The following CADM2 variants were observed in gnomAD, a reference collection of about 807,000 sequenced individuals.
The protein encoded by CADM2 is immunoglobulin superfamily member 4D.
CADM2 carries 12 observed loss-of-function variants against 49.8 expected under a neutral mutation model. The ratio of observed to expected loss-of-function variants is 0.24; its 90% confidence interval spans 0.15 to 0.39. The LOEUF (loss-of-function observed/expected upper bound fraction) is 0.39, where lower values mean the gene tolerates loss of function less well. Among genes scored for constraint, CADM2 ranks in the 10% least tolerant of loss-of-function variants. CADM2 has a pLI of 1.00. For missense variants in CADM2, 378 were observed against 492.3 expected (o/e 0.77, Z 2.20); for synonymous variants, 214 against 175.4 (o/e 1.22, Z -1.74).
chr3:85,568,397 CTCTTTCTTTCTTTCTTTCTTTCTT>C lies in CADM2; in HGVS notation c.62-158081_62-158058del, dbSNP rs71108298. 1.7e-4 allele frequency among the ~76,000 whole-genome samples: 9 copies of C among 52,092 alleles called. 1 individual carries two copies. In the South Asian group the frequency reaches 2.2e-3, roughly 12 times the overall value. 34.2% of individuals were successfully genotyped at this position (52,092 alleles called of 152,430 possible). A position where few individuals can be genotyped will look rare whatever the true frequency, so the allele number is the denominator to read the frequency against. Reference sequence around the variant, plus strand: ...GTTACCTACAATCTTTCCTTCCTCCCTCTTTCTTTCTTTCTTTCTTTCTTTCTTTCTTTCTTTCTTTCTTTCTTT... The same window carrying C: ...GTTACCTACAATCTTTCCTTCCTCCCTCTTTCTTTCTTTCTTTCTTTCTTT... On this transcript the variant is annotated intron_variant, in intron 1 of 9. Coordinates refer to ENST00000383699, the MANE Select transcript of CADM2 (RefSeq NM_001167675.2).
At chr3:85,704,490 T>G (rs1287605364) in intron 1 of CADM2, among the ~76,000 whole-genome samples, 2 of 152,156 alleles carry the variant, frequency 1.3e-5, no homozygotes, top group Non-Finnish European at 2.9e-5. Context: ...TGGTTATGGA[T>G]GACCACTTTT....
intron 3 of CADM2, among the ~76,000 whole-genome samples, chr3:85,860,657 A>G (rs984580350): frequency 6.6e-6 from 1 of 152,142 alleles, no homozygotes; most frequent in South Asian, 2.1e-4. Flanking sequence ...TTTAGGGTCT[A>G]TTAGGGCATG....
At chr3:85,582,746 G>A (rs1229859360) in intron 1 of CADM2, among the ~76,000 whole-genome samples, 9 of 152,080 alleles carry the variant, frequency 5.9e-5, no homozygotes, top group Admixed American at 2.0e-4. Flanking sequence ...ACTCTTGGCA[G>A]ACATAATTAG....
rs1360035680 is a variant in CADM2 at position 84,959,678 on chromosome 3, G to C, written c.61+10G>C. 4 of 1,536,706 alleles carry C rather than the reference G, an allele frequency of 2.6e-6. No homozygotes were observed. Among genetic ancestry groups the C allele is most frequent in the Non-Finnish European group, 3.5e-6 (4 of 1,146,586 alleles). ...GGGCTCCTGCTACAAGGTAATCCCC[G>C]CCCCGGCGCAGGGAACATCAACTTC... On this transcript the variant is annotated intron_variant, in intron 1 of 9. Transcript: ENST00000383699.
At chr3:85,010,921 T>G (rs1173053882) in intron 1 of CADM2, among the ~76,000 whole-genome samples, 1 of 129,020 alleles carries the variant, frequency 7.8e-6, no homozygotes, top group African/African-American at 3.0e-5. Context: ...TGGAGTGCAG[T>G]GGCGTGATCT....
At chr3:85,383,539 CAT>C (rs1559811990) in intron 1 of CADM2, among the ~76,000 whole-genome samples, 3 of 124,494 alleles carry the variant, frequency 2.4e-5, no homozygotes, top group Non-Finnish European at 3.5e-5. Flanking sequence ...TATATATATA[CAT>C]ATATATATAC....
chr3:85,138,375 G>A (rs961730824), intron 1 of CADM2, among the ~76,000 whole-genome samples: 1 of 152,064 alleles, frequency 6.6e-6, no homozygotes, highest in Non-Finnish European at 1.5e-5. Context: ...AGTCTCTTGA[G>A]GCTTTCTTCA....
At chr3:85,290,353 G>A (rs891678275) in intron 1 of CADM2, among the ~76,000 whole-genome samples, 3 of 152,186 alleles carry the variant, frequency 2.0e-5, no homozygotes, top group African/African-American at 7.2e-5. Context: ...GCCGCAGCAA[G>A]GCTGGGGGAG....
At chr3:85,265,589 C>A (rs900702900) in intron 1 of CADM2, among the ~76,000 whole-genome samples, 1 of 151,934 alleles carries the variant, frequency 6.6e-6, no homozygotes, top group African/African-American at 2.4e-5. Context: ...TGCATTAGGG[C>A]AGAGCCCTCA....
intron 1 of CADM2, among the ~76,000 whole-genome samples, chr3:85,680,953 C>A (rs1373993872): frequency 2.0e-5 from 3 of 152,042 alleles, no homozygotes; most frequent in African/African-American, 7.2e-5. Flanking sequence ...TGAAAAAGAA[C>A]CAAATATATG....
At chr3:85,135,126 G>C (rs1398055250) in intron 1 of CADM2, among the ~76,000 whole-genome samples, 3 of 151,944 alleles carry the variant, frequency 2.0e-5, no homozygotes, top group African/African-American at 7.2e-5. Context: ...GAAAATCAGA[G>C]ATTATAATAT....
intron 3 of CADM2, among the ~76,000 whole-genome samples, chr3:85,877,684 G>GTTTTTTTTTTTTTTTTTTTTTTTTTGTTT (rs368101272): frequency 8.9e-6 from 1 of 112,028 alleles, no homozygotes; most frequent in African/African-American, 3.3e-5. Flanking sequence ...TTTTTCTTCT[G>GTTTTTTTTTTTTTTTTTTTTTTTTTGTTT]TTTTTTTTTT....
chr3:85,101,983 GACT>G (rs2038029505), intron 1 of CADM2, among the ~76,000 whole-genome samples: 3 of 152,150 alleles, frequency 2.0e-5, no homozygotes, highest in African/African-American at 7.2e-5. Flanking sequence ...AGTAGTAGAA[GACT>G]GACAGGGGAA....
intron 1 of CADM2, among the ~76,000 whole-genome samples, chr3:85,486,720 T>G (rs2039432126): frequency 6.6e-6 from 1 of 152,118 alleles, no homozygotes; most frequent in Non-Finnish European, 1.5e-5. Context: ...GTGTATATTT[T>G]AAAGTTATTT....
At chr3:85,465,042 G>A (rs1433309696) in intron 1 of CADM2, among the ~76,000 whole-genome samples, 1 of 152,088 alleles carries the variant, frequency 6.6e-6, no homozygotes, top group African/African-American at 2.4e-5. Context: ...CCAGCAACTC[G>A]GGAGGCTGAG....
At chr3:85,615,208 G>C (rs1266452585) in intron 1 of CADM2, among the ~76,000 whole-genome samples, 5 of 148,070 alleles carry the variant, frequency 3.4e-5, no homozygotes, top group Non-Finnish European at 7.5e-5. Context: ...ACTACAGAAA[G>C]AGAGAGAGAG....
intron 1 of CADM2, among the ~76,000 whole-genome samples, chr3:85,659,150 A>T (rs908116925): frequency 3.3e-5 from 5 of 151,392 alleles, no homozygotes; most frequent in Non-Finnish European, 7.4e-5. Context: ...CGTGGAGGAT[A>T]TGGTTCTTTG....
intron 1 of CADM2, among the ~76,000 whole-genome samples, chr3:85,363,657 G>A (rs1184994179): frequency 6.6e-6 from 1 of 152,128 alleles, no homozygotes; most frequent in Non-Finnish European, 1.5e-5. Context: ...TATGGCCCAG[G>A]CTGGAGTGCA....
At chr3:85,793,968 C>A (rs2071481703) in intron 2 of CADM2, among the ~76,000 whole-genome samples, 1 of 152,040 alleles carries the variant, frequency 6.6e-6, no homozygotes, top group Non-Finnish European at 1.5e-5. Context: ...ACTTAATATT[C>A]AAAAAATGTT....
Sources: allele counts gnomAD v4.1 joint callset (sites outside exome capture counted in the v4.1 genomes callset), GRCh38; gene constraint gnomAD v4.1.1; transcripts MANE v1.5; gene names NCBI Gene and HGNC (gene_info 2026-07-23, HGNC 2026-07-21).